Variants in TACC2 observed in about 807,000 individuals in gnomAD.
TACC2 encodes transforming acidic coiled-coil-containing protein 2.
Under a neutral mutation model 227.3 loss-of-function variants are expected in TACC2, and 137 were observed. The ratio of observed to expected loss-of-function variants is 0.60; its 90% CI spans 0.52 to 0.69. The LOEUF (loss-of-function observed/expected upper bound fraction) is 0.69, where lower values mean the gene tolerates loss of function less well. Ranked by LOEUF, TACC2 falls within the 30% of genes least tolerant of loss-of-function variation. TACC2 has a pLI of 0.00. For missense variants in TACC2, 3,470 were observed against 3,694.4 expected, an observed-to-expected ratio of 0.94 and a Z score of 1.57; for synonymous variants, 1,523 against 1,487.5, an observed-to-expected ratio of 1.02 and a Z score of -0.55.
At chr10:122,165,943 A>C (rs1194206375) in intron 7 of TACC2, among the ~76,000 whole-genome samples, 1 of 152,232 alleles carries the variant, frequency 6.6e-6, no homozygotes, top group African/African-American at 2.4e-5. Context: ...AGAGGTTTTA[A>C]AAATATATAT....
intron 2 of TACC2, among the ~76,000 whole-genome samples, chr10:122,041,899 C>T (rs1227685398): frequency 6.6e-6 from 1 of 152,250 alleles, no homozygotes; most frequent in Non-Finnish European, 1.5e-5. Context: ...GATGCATCTT[C>T]TGAATAAATG....
At position 122,085,718 on chromosome 10, in the gene TACC2, C is replaced by G; in HGVS notation, c.3218C>G (p.Thr1073Ser). The stretch of plus-strand genomic sequence containing the variant: ...CCCGCCAGCCCCGGAGTCACACCCA[C>G]CCAGGATGCCCCAGAGACAGAGGCA... ...LAPASPGVTP[T>S]QDAPETEACD... is the part of the protein sequence containing the mutation. Residue 1073 changes from threonine to serine, a missense_variant, in exon 4 of 23, where the codon ACC becomes AGC. This residue lies in a region of TACC2 where 1,924 missense variants were observed against 1,978.3 expected (regional missense o/e 0.97). Coordinates refer to ENST00000369005, the MANE Select transcript of TACC2 (RefSeq NM_206862.4). The G allele has an allele frequency of 6.2e-7, 1 of 1,613,842 alleles. No individual in the cohort carries two copies. The highest frequency in any genetic ancestry group is 8.5e-7 in the Non-Finnish European group (1 of 1,180,016).
In TACC2 at chr10:122,083,171, A is replaced by T. The variant is rs1187512168; in HGVS notation, c.671A>T (p.Glu224Val). Reference protein sequence around the residue: ...CGEGDQPGGFESQEKEAAGGF... With the variant: ...CGEGDQPGGFVSQEKEAAGGF... ...GAGGGGGACCAGCCTGGTGGTTTTG[A>T]GTCCCAAGAGAAAGAGGCTGCAGGT... The change falls in exon 4 of 23, where the codon GAG becomes GTG. Residue 224 changes from glutamate (E) to valine (V), a missense_variant. Around this residue, in one of 10 missense-constraint regions of TACC2, gnomAD observed 405 missense variants for 389.6 expected, o/e 1.04. Transcript: ENST00000369005. The T allele has an allele frequency of 4.3e-6, 7 of 1,613,168 alleles. No individual in the cohort carries two copies. The highest frequency in any genetic ancestry group is 5.9e-6 in the Non-Finnish European group (7 of 1,180,028).
Position 122,087,366 on chromosome 10 carries a change from G to C in TACC2, c.4866G>C (p.Gly1622=), listed in dbSNP as rs556922327. ...GTCCCGGGGACTTTGCTCACACAGG[G>C]GTTCCAGGACATGTGCCAAGGTCCA... The part of the protein sequence containing the change: ...EDGPGDFAHT[G]VPGHVPRSTC... Residue 1622 remains glycine, a synonymous_variant, in exon 4 of 23, where the codon GGG becomes GGC. Coordinates refer to ENST00000369005, the MANE Select transcript of TACC2 (RefSeq NM_206862.4). The C allele has an allele frequency of 3.7e-6, 6 of 1,614,052 alleles. No individual in the cohort carries two copies. Among genetic ancestry groups the C allele is most frequent in the Non-Finnish European group, 5.1e-6 (6 of 1,180,036 alleles).
chr10:122,096,127 G>A (rs570659297), intron 5 of TACC2, among the ~76,000 whole-genome samples: 2 of 152,346 alleles, frequency 1.3e-5, no homozygotes, highest in African/African-American at 4.8e-5. Context: ...GGGAGACCAA[G>A]TGGTTGTGTC....
Position 122,227,852 on chromosome 10 carries a change from G to A in TACC2, c.7740G>A (p.Glu2580=). The A allele has an allele frequency of 5.6e-6, 9 of 1,613,526 alleles. No homozygotes were observed. The highest frequency in any genetic ancestry group is 6.8e-6 in the Non-Finnish European group (8 of 1,179,660). The change falls in exon 14 of 23, where the codon GAG becomes GAA. Residue 2580 remains glutamate, a synonymous_variant. Transcript: ENST00000369005. ...PTPCSGSSFE[E]TEALVNTAAK... ...CTTCCCCCAGGTCAAGTTTTGAAGA[G>A]ACTGAAGCCCTTGTGAACACTGCTG...
intron 2 of TACC2, among the ~76,000 whole-genome samples, chr10:122,025,504 G>A (rs956144610): frequency 3.6e-4 from 55 of 151,472 alleles, no homozygotes; most frequent in African/African-American, 1.2e-3. Context: ...CTCGTGATCC[G>A]CCCACCTCAG....
chr10:122,045,210 C>G (rs1176810700), intron 2 of TACC2, among the ~76,000 whole-genome samples: 1 of 152,224 alleles, frequency 6.6e-6, no homozygotes, highest in African/African-American at 2.4e-5. Context: ...GTGCCAGGTG[C>G]TATTCTGGGC....
chr10:122,229,548 C>T lies in TACC2; in HGVS notation c.8037+62C>T, dbSNP rs146232593. 461 of 1,583,006 alleles carry T rather than the reference C, an allele frequency of 2.9e-4. 1 individual carries two copies. In the African/African-American group the frequency reaches 5.4e-3, roughly 19 times the overall value. The stretch of plus-strand genomic sequence containing the variant: ...AAAACCTCAGTAGAGAATGAACCCC[C>T]GAGGCCCAAATGAAATAAGGCAGGA... On this transcript the variant is annotated intron_variant, in intron 15 of 22. Transcript: ENST00000369005.
chr10:122,113,250 C>G (rs56244205), intron 5 of TACC2: 5,818 of 152,322 alleles, frequency 0.038, 150 homozygotes, highest in Middle Eastern at 0.085. Flanking sequence ...GCCGGGGCCA[C>G]GGGCGGGCGG....
At chr10:122,004,113 G>C (rs1016573193) in intron 1 of TACC2, among the ~76,000 whole-genome samples, 1 of 151,998 alleles carries the variant, frequency 6.6e-6, no homozygotes, top group Non-Finnish European at 1.5e-5. Flanking sequence ...TGTAGGTGTA[G>C]TTGGCCAGGC....
At chr10:122,222,429 C>T (rs1265575889) in intron 11 of TACC2, among the ~76,000 whole-genome samples, 2 of 152,176 alleles carry the variant, frequency 1.3e-5, no homozygotes, top group Non-Finnish European at 2.9e-5. Context: ...CATCTCCAGG[C>T]GTCTGCCACT....
intron 7 of TACC2, among the ~76,000 whole-genome samples, chr10:122,192,273 A>G (rs1051565793): frequency 3.3e-5 from 5 of 152,200 alleles, no homozygotes; most frequent in African/African-American, 1.2e-4. Flanking sequence ...CCTTCCACAC[A>G]GGGCGATCGT....
At chr10:122,078,654 C>T (rs1378284573) in intron 3 of TACC2, among the ~76,000 whole-genome samples, 1 of 152,260 alleles carries the variant, frequency 6.6e-6, no homozygotes, top group Non-Finnish European at 1.5e-5. Flanking sequence ...CACATTTCAA[C>T]TCAATCTCGA....
chr10:122,113,668 C>A (rs1161589231), intron 5 of TACC2, among the ~76,000 whole-genome samples: 1 of 152,232 alleles, frequency 6.6e-6, no homozygotes, highest in Non-Finnish European at 1.5e-5. Context: ...CCTACTGGGT[C>A]GCGTGGGGGC....
intron 11 of TACC2, among the ~76,000 whole-genome samples, chr10:122,220,006 C>A (rs563510762): frequency 3.3e-5 from 5 of 151,400 alleles, no homozygotes; most frequent in Admixed American, 6.6e-5. Context: ...CCCCTGCACT[C>A]CAGCCTGGGT....
rs1027098106 is a variant in TACC2, at chr10:122,099,753, C to T, written c.5573+11162C>T. Among the ~76,000 whole-genome samples the T allele has an allele frequency of 8.5e-5, 13 of 152,122 alleles. No individual in the cohort carries two copies. The South Asian group carries it at 1.9e-3, about 22-fold the overall frequency. On this transcript the variant is annotated intron_variant, in intron 5 of 22. Coordinates refer to ENST00000369005, the MANE Select transcript of TACC2 (RefSeq NM_206862.4). ...TTAACTCTGTTTCTTTACAAGTGGG[C>T]TATAAATTTGTGGGAGATAAAACGA...
chr10:122,103,120 C>A (rs1039167314), intron 5 of TACC2, among the ~76,000 whole-genome samples: 5 of 152,156 alleles, frequency 3.3e-5, no homozygotes, highest in African/African-American at 1.2e-4. Context: ...AGGAAAGTTC[C>A]TCAGAGTTCA....
intron 3 of TACC2, among the ~76,000 whole-genome samples, chr10:122,071,664 A>G (rs890840841): frequency 2.7e-5 from 4 of 150,154 alleles, no homozygotes; most frequent in African/African-American, 9.8e-5. Context: ...ATCTGAGGTC[A>G]AGAGTTCGAG....
Sources: allele counts gnomAD v4.1 joint callset (sites outside exome capture counted in the v4.1 genomes callset), GRCh38; gene constraint gnomAD v4.1.1; regional missense constraint gnomAD v4.1.1; transcripts MANE v1.5; gene names NCBI Gene and HGNC (gene_info 2026-07-23, HGNC 2026-07-21).